The following DYM variants were observed in gnomAD, a reference collection of about 807,000 sequenced individuals.
The protein encoded by DYM is dymeclin.
DYM carries 78 observed loss-of-function variants against 93.1 expected under a neutral mutation model. The observed-to-expected ratio is 0.84, with a 90% CI of 0.70 to 1.01. The LOEUF is 1.01. Among genes scored for constraint, DYM ranks in the 50% least tolerant of loss-of-function variants. DYM has a pLI of 0.00. For synonymous variants in DYM, 321 were observed against 319.7 expected (o/e 1.00, Z -0.04); for missense variants, 789 against 845.0 (o/e 0.93, Z 0.82).
chr18:49,122,019 T>C (rs1349187149), intron 15 of DYM, among the ~76,000 whole-genome samples: 1 of 152,202 alleles, frequency 6.6e-6, no homozygotes, highest in Non-Finnish European at 1.5e-5. Flanking sequence ...AGCTGACTTA[T>C]AAAGTAAAAA....
chr18:49,281,090 T>C (rs2094961158), intron 10 of DYM, among the ~76,000 whole-genome samples: 1 of 152,054 alleles, frequency 6.6e-6, no homozygotes, highest in African/African-American at 2.4e-5. Context: ...TGCAATGAAC[T>C]CCAACAAAGT....
chr18:49,125,455 G>A (rs144508010), intron 15 of DYM, among the ~76,000 whole-genome samples: 1 of 152,190 alleles, frequency 6.6e-6, no homozygotes, highest in Non-Finnish European at 1.5e-5. Flanking sequence ...GGATGTCAGT[G>A]GTAGTAGTGA....
At chr18:49,139,243 C>T (rs556032957) in intron 15 of DYM, among the ~76,000 whole-genome samples, 1 of 152,238 alleles carries the variant, frequency 6.6e-6, no homozygotes, top group African/African-American at 2.4e-5. Context: ...GAGCAGCCCT[C>T]TGATCCATCC....
intron 6 of DYM, among the ~76,000 whole-genome samples, chr18:49,341,163 T>C (rs906287528): frequency 6.6e-6 from 1 of 152,120 alleles, no homozygotes; most frequent in Non-Finnish European, 1.5e-5. Flanking sequence ...AGTAAAAAAT[T>C]CCAAATGAAT....
chr18:49,454,891 G>C (rs952707084), intron 1 of DYM, among the ~76,000 whole-genome samples: 2 of 128,286 alleles, frequency 1.6e-5, no homozygotes, highest in African/African-American at 5.8e-5. Context: ...CTGGGTGATA[G>C]AGCGAGACTC....
chr18:49,380,105 A>G (rs1352475043), intron 3 of DYM, among the ~76,000 whole-genome samples: 1 of 152,176 alleles, frequency 6.6e-6, no homozygotes, highest in Non-Finnish European at 1.5e-5. Context: ...TCAAAAATTG[A>G]TTATCTATGT....
At chr18:49,257,512 G>A (rs1434964139) in intron 12 of DYM, among the ~76,000 whole-genome samples, 1 of 152,060 alleles carries the variant, frequency 6.6e-6, no homozygotes, top group Non-Finnish European at 1.5e-5. Context: ...AAACATGAAT[G>A]TGTATCTGCA....
At chr18:49,375,798 G>C (rs1416755998) in intron 5 of DYM, 1 of 152,126 alleles carries the variant, frequency 6.6e-6, no homozygotes, top group Admixed American at 6.6e-5. Flanking sequence ...CCTCAATCTG[G>C]GTGGGCACCA....
At chr18:49,331,636 G>T (rs113154283) in intron 8 of DYM, among the ~76,000 whole-genome samples, 7 of 152,278 alleles carry the variant, frequency 4.6e-5, no homozygotes, top group African/African-American at 1.7e-4. Context: ...CATTCTTCCT[G>T]AAAAACGATG....
intron 6 of DYM, among the ~76,000 whole-genome samples, chr18:49,358,456 G>A (rs757247211): frequency 6.6e-6 from 1 of 152,070 alleles, no homozygotes; most frequent in Non-Finnish European, 1.5e-5. Flanking sequence ...CCCTGTACTC[G>A]ACAAGTCACA....
intron 17 of DYM, among the ~76,000 whole-genome samples, chr18:49,046,679 C>T (rs535543564): frequency 6.4e-4 from 97 of 152,292 alleles, no homozygotes; most frequent in African/African-American, 2.2e-3. Flanking sequence ...GCAGGAGGAT[C>T]ACTTGAACCC....
chr18:49,071,082 T>C (rs1260922916), intron 17 of DYM, among the ~76,000 whole-genome samples: 6 of 152,212 alleles, frequency 3.9e-5, no homozygotes, highest in African/African-American at 9.7e-5. Context: ...AGGGCTGGGA[T>C]ACAGATCACC....
chr18:49,097,551 G>A, intron 16 of DYM, 36 bp from the exon 17 acceptor site: 1 of 1,566,868 alleles, frequency 6.4e-7, no homozygotes, highest in South Asian at 1.1e-5. Flanking sequence ...AACAAGAAGA[G>A]GTATGAAATG....
intron 3 of DYM, among the ~76,000 whole-genome samples, chr18:49,380,746 A>G (rs1404146653): frequency 6.6e-6 from 1 of 152,256 alleles, no homozygotes; most frequent in Non-Finnish European, 1.5e-5. Context: ...CATTTGACTG[A>G]TGAAGAGACA....
At chr18:49,253,942 CT>C (rs2094339334) in intron 13 of DYM, among the ~76,000 whole-genome samples, 1 of 152,222 alleles carries the variant, frequency 6.6e-6, no homozygotes, top group Admixed American at 6.5e-5. Flanking sequence ...CCAGCTGTTT[CT>C]TTCAGGCCTC....
intron 13 of DYM, among the ~76,000 whole-genome samples, chr18:49,230,269 T>G (rs982803050): frequency 6.6e-6 from 1 of 152,224 alleles, no homozygotes; most frequent in African/African-American, 2.4e-5. Flanking sequence ...GCTGGTCGAA[T>G]ATACCAACTG....
chr18:49,128,465 G>A (rs2083047971), intron 15 of DYM, among the ~76,000 whole-genome samples: 1 of 152,152 alleles, frequency 6.6e-6, no homozygotes, highest in Non-Finnish European at 1.5e-5. Flanking sequence ...AGGAAGATGT[G>A]TCTTTTTTAA....
At chr18:49,256,562 G>C (rs965786239) in intron 13 of DYM, among the ~76,000 whole-genome samples, 1 of 152,190 alleles carries the variant, frequency 6.6e-6, no homozygotes, top group Non-Finnish European at 1.5e-5. Flanking sequence ...AAAATGACCA[G>C]TTTGCGCTTT....
intron 14 of DYM, among the ~76,000 whole-genome samples, chr18:49,184,019 T>C (rs1159346741): frequency 1.3e-5 from 2 of 152,114 alleles, no homozygotes; most frequent in Non-Finnish European, 2.9e-5. Flanking sequence ...GGCACTTTGA[T>C]CTTGGACTTC....
Sources: allele counts gnomAD v4.1 joint callset (sites outside exome capture counted in the v4.1 genomes callset), GRCh38; gene constraint gnomAD v4.1.1; transcripts MANE v1.5; gene names NCBI Gene and HGNC (gene_info 2026-07-23, HGNC 2026-07-21).